Variants in GLI2 observed in about 807,000 individuals in gnomAD.
The protein encoded by GLI2 is GLI family zinc finger 2, also known as transcription activator GLI2.
Under a neutral mutation model 78.9 loss-of-function variants are expected in GLI2, and 22 were observed. The ratio of observed to expected loss-of-function variants is 0.28; its 90% CI spans 0.20 to 0.40. The LOEUF is 0.40. Ranked by LOEUF, GLI2 falls within the 10% of genes least tolerant of loss-of-function variation. The pLI is 1.00. For missense variants in GLI2, 2,097 were observed against 2,213.2 expected (o/e 0.95, Z 1.05); for synonymous variants, 974 against 963.7 (o/e 1.01, Z -0.20).
At chr2:120,805,448 G>A (rs961082231) in intron 2 of GLI2, among the ~76,000 whole-genome samples, 3 of 152,250 alleles carry the variant, frequency 2.0e-5, no homozygotes, top group South Asian at 2.1e-4. Context: ...ATGCCTGGCC[G>A]GCACTCCTTC....
At chr2:120,978,124 T>C (rs1421286288) in intron 9 of GLI2, among the ~76,000 whole-genome samples, 1 of 152,042 alleles carries the variant, frequency 6.6e-6, no homozygotes, top group Non-Finnish European at 1.5e-5. Flanking sequence ...TGAGGACTGA[T>C]TGGAAAATGC....
At chr2:120,861,360 C>T (rs1434386862) in intron 2 of GLI2, among the ~76,000 whole-genome samples, 1 of 152,224 alleles carries the variant, frequency 6.6e-6, no homozygotes, top group East Asian at 1.9e-4. Context: ...CCCCTGCAGG[C>T]TTCCTGGAGG....
At chr2:120,748,048 C>G (rs574840720) in intron 1 of GLI2, among the ~76,000 whole-genome samples, 1 of 152,334 alleles carries the variant, frequency 6.6e-6, no homozygotes, top group East Asian at 1.9e-4. Context: ...TCTCCGAAAT[C>G]CCAGCAGGTT....
intron 2 of GLI2, among the ~76,000 whole-genome samples, chr2:120,891,616 A>AG (rs1198327627): frequency 6.6e-6 from 1 of 152,160 alleles, no homozygotes; most frequent in African/African-American, 2.4e-5. Context: ...TGTGAAGGGA[A>AG]GGGGGAGCAG....
intron 2 of GLI2, among the ~76,000 whole-genome samples, chr2:120,811,316 A>T (rs11122818): frequency 6.6e-6 from 1 of 152,118 alleles, no homozygotes; most frequent in Non-Finnish European, 1.5e-5. Context: ...TGGTCATTCT[A>T]TCCCCCCAGC....
intron 1 of GLI2, among the ~76,000 whole-genome samples, chr2:120,780,412 G>A (rs1426441319): frequency 2.0e-5 from 3 of 152,224 alleles, no homozygotes; most frequent in South Asian, 4.1e-4. Flanking sequence ...CAGTGTGAAA[G>A]GAGGAAGGGA....
chr2:120,954,898 T>C (rs1179017450), intron 4 of GLI2, among the ~76,000 whole-genome samples: 4 of 152,150 alleles, frequency 2.6e-5, no homozygotes, highest in Admixed American at 1.3e-4. Context: ...CTTTTAACTT[T>C]GAAGACTCTG....
In GLI2 at chr2:120,988,947, C is replaced by T. The variant is rs750371278; in HGVS notation, c.2982C>T (p.Ser994=). Residue 994 remains serine (S), a synonymous_variant, in exon 14 of 14, where the codon AGC becomes AGT. Coordinates refer to ENST00000361492, the MANE Select transcript of GLI2 (RefSeq NM_001374353.1). ...CADRRGLRLQ[S]HPSTDGGLAR... is the part of the protein sequence containing the mutation. ...ACAGGCGAGGCCTCCGCCTGCAGAG[C>T]CACCCGAGCACCGACGGCGGCCTGG... 9 of 1,535,462 alleles carry T rather than the reference C, an allele frequency of 5.9e-6. No individual in the cohort carries two copies. The highest frequency in any genetic ancestry group is 7.9e-6 in the Non-Finnish European group (9 of 1,145,858).
intron 3 of GLI2, among the ~76,000 whole-genome samples, chr2:120,944,234 C>T (rs772191306): frequency 2.0e-5 from 3 of 152,168 alleles, no homozygotes; most frequent in Admixed American, 6.5e-5. Flanking sequence ...GATTTGATGC[C>T]GAAAGGTGTG....
rs1468620058 is a variant in GLI2, at chr2:120,970,597, C to T, written c.1050C>T (p.Asp350=). ...GCAGCAGCAGCAACTGTCTGAGTGA[C>T]ACCAACCAGGTAGGTGGGTGCAGGG... ...QLSSSSNCLS[D]TNQNKQSSES... The change falls in exon 7 of 14, where the codon GAC becomes GAT. Residue 350 remains aspartate (D), a synonymous_variant. Transcript: ENST00000361492. 6.2e-7 allele frequency: 1 copy of T among 1,613,904 alleles called. No individual in the cohort carries two copies. Among genetic ancestry groups the T allele is most frequent in the Non-Finnish European group, 8.5e-7 (1 of 1,179,764 alleles).
At chr2:120,743,757 C>T (rs556742904) in intron 1 of GLI2, among the ~76,000 whole-genome samples, 11 of 152,296 alleles carry the variant, frequency 7.2e-5, no homozygotes, top group African/African-American at 2.4e-4. Flanking sequence ...GGGAAGGGGG[C>T]GGGGCTTGGT....
chr2:120,811,243 T>C (rs1036278812), intron 2 of GLI2, among the ~76,000 whole-genome samples: 2 of 152,130 alleles, frequency 1.3e-5, no homozygotes, highest in Admixed American at 1.3e-4. Context: ...TGGGCACCTG[T>C]AGACATCCAC....
chr2:120,983,943 TGG>T (rs1553477407), intron 11 of GLI2, among the ~76,000 whole-genome samples: 2 of 70,726 alleles, frequency 2.8e-5, no homozygotes, highest in East Asian at 6.6e-4. Context: ...ACGTGGTGTG[TGG>T]GGTGTGTGTG....
intron 2 of GLI2, among the ~76,000 whole-genome samples, chr2:120,846,984 C>T (rs1001652228): frequency 6.6e-6 from 1 of 151,980 alleles, no homozygotes; most frequent in African/African-American, 2.4e-5. Context: ...AAAGTCTTGG[C>T]CTGTGGCAAG....
chr2:120,811,689 AGG>A (rs542542786), intron 2 of GLI2, among the ~76,000 whole-genome samples: 184 of 152,092 alleles, frequency 1.2e-3, no homozygotes, highest in African/African-American at 4.2e-3. Flanking sequence ...ATTTGGATGG[AGG>A]GGTAGTAGGG....
intron 1 of GLI2, among the ~76,000 whole-genome samples, chr2:120,744,346 G>C (rs1250100042): frequency 6.6e-6 from 1 of 151,806 alleles, no homozygotes; most frequent in Non-Finnish European, 1.5e-5. Context: ...AAGGTGAGGG[G>C]ACATCTCTGG....
At chr2:120,970,304 C>T in intron 6 of GLI2, 89 bp from the exon 7 acceptor site, 1 of 753,342 alleles carries the variant, frequency 1.3e-6, no homozygotes, top group Non-Finnish European at 2.4e-6. Context: ...TCCCTATCCC[C>T]TGGGCAAGGT....
At chr2:120,954,735 C>A (rs534956610) in intron 4 of GLI2, among the ~76,000 whole-genome samples, 127 of 152,300 alleles carry the variant, frequency 8.3e-4, no homozygotes, top group Non-Finnish European at 1.5e-3. Context: ...GCAGACAGCC[C>A]CGAGGCTCTG....
At chr2:120,819,343 A>G (rs911962296) in intron 2 of GLI2, among the ~76,000 whole-genome samples, 1 of 148,252 alleles carries the variant, frequency 6.7e-6, no homozygotes, top group Non-Finnish European at 1.5e-5. Flanking sequence ...AGGTTCAGGC[A>G]ATTTTCCTGC....
Sources: gnomAD v4.1 joint callset for allele counts (sites outside exome capture counted in the v4.1 genomes callset) on GRCh38, gnomAD v4.1.1 for gene constraint, MANE v1.5 for transcripts, NCBI Gene and HGNC (gene_info 2026-07-23, HGNC 2026-07-21) for gene names.